Variants in RALA observed in about 807,000 individuals in gnomAD.
The protein encoded by RALA is RAS like proto-oncogene A.
A neutral mutation model predicts 24.0 loss-of-function variants in RALA; 5 were observed. The ratio of observed to expected loss-of-function variants is 0.21; its 90% CI spans 0.11 to 0.44. The LOEUF (loss-of-function observed/expected upper bound fraction) is 0.44. Among genes scored for constraint, RALA ranks in the 20% least tolerant of loss-of-function variants. RALA has a pLI of 0.99. For missense variants in RALA, 95 were observed against 241.2 expected (o/e 0.39, Z 4.01); for synonymous variants, 77 against 83.8 (o/e 0.92, Z 0.44).
At chr7:39,669,150 G>C (rs542650770) in intron 1 of RALA, among the ~76,000 whole-genome samples, 4 of 152,022 alleles carry the variant, frequency 2.6e-5, no homozygotes, top group Non-Finnish European at 5.9e-5. Flanking sequence ...CAAGTGGGAC[G>C]TAAGTAGTAA....
At chr7:39,662,569 T>C (rs1397263110) in intron 1 of RALA, among the ~76,000 whole-genome samples, 2 of 152,174 alleles carry the variant, frequency 1.3e-5, no homozygotes, top group Non-Finnish European at 2.9e-5. Flanking sequence ...CTCAGTCTCT[T>C]TGCTAAAACA....
chr7:39,628,220 T>TCAAAAAA (rs565444391), intron 1 of RALA, among the ~76,000 whole-genome samples: 19 of 152,164 alleles, frequency 1.2e-4, no homozygotes, highest in Admixed American at 4.6e-4. Flanking sequence ...ATCCCATCCC[T>TCAAAAAA]CAAAAAACAA....
intron 4 of RALA, chr7:39,703,224 A>G (rs1168823153): frequency 6.6e-6 from 1 of 152,242 alleles, no homozygotes; most frequent in African/African-American, 2.4e-5. Flanking sequence ...GAGTATTCCA[A>G]TAATTACATT....
At chr7:39,645,921 A>AG (rs1355181545) in intron 1 of RALA, among the ~76,000 whole-genome samples, 2 of 152,306 alleles carry the variant, frequency 1.3e-5, no homozygotes, top group African/African-American at 4.8e-5. Context: ...AGGAGGTTGT[A>AG]GGCAGATCAT....
chr7:39,682,169 C>A (rs1300084932), intron 1 of RALA, among the ~76,000 whole-genome samples: 1 of 152,194 alleles, frequency 6.6e-6, no homozygotes, highest in Admixed American at 6.5e-5. Flanking sequence ...TTGTAAATAT[C>A]TGAAATGTAG....
chr7:39,659,622 G>A lies in RALA; in HGVS notation c.-37-27009G>A, dbSNP rs79313177. On this transcript the variant is annotated intron_variant, in intron 1 of 4. Coordinates refer to ENST00000005257, the MANE Select transcript of RALA (RefSeq NM_005402.4). ...AATGGAGTTTCTTTGAACAGCATCT[G>A]TCTCCCTTCACTGCTGGTAATTTGT... Among the ~76,000 whole-genome samples, 405 of 152,266 alleles carry A rather than the reference G, an allele frequency of 2.7e-3. 5 individuals are homozygous for A. Among genetic ancestry groups the A allele is most frequent in the Middle Eastern group, 0.02 (6 of 294 alleles).
chr7:39,649,629 T>C (rs59463295), intron 1 of RALA, among the ~76,000 whole-genome samples: 2,264 of 152,286 alleles, frequency 0.015, 39 homozygotes, highest in African/African-American at 0.05. Context: ...CCGAACCTGC[T>C]TCAATTTGGA....
At chr7:39,627,618 A>G (rs1170013260) in intron 1 of RALA, among the ~76,000 whole-genome samples, 3 of 152,318 alleles carry the variant, frequency 2.0e-5, no homozygotes, top group African/African-American at 7.2e-5. Flanking sequence ...AGTTTCCAAA[A>G]GTTATGATTA....
At chr7:39,685,185 T>G (rs903193207) in intron 1 of RALA, among the ~76,000 whole-genome samples, 4 of 152,176 alleles carry the variant, frequency 2.6e-5, no homozygotes, top group Non-Finnish European at 5.9e-5. Flanking sequence ...AGAACCTAAT[T>G]TAGGTTGAGA....
chr7:39,654,092 G>T (rs1220382963), intron 1 of RALA, among the ~76,000 whole-genome samples: 3 of 152,104 alleles, frequency 2.0e-5, no homozygotes, highest in Non-Finnish European at 4.4e-5. Flanking sequence ...TGCACAGGGG[G>T]TTCTATTTGA....
At chr7:39,626,806 T>G (rs1791496076) in intron 1 of RALA, among the ~76,000 whole-genome samples, 1 of 152,210 alleles carries the variant, frequency 6.6e-6, no homozygotes, top group South Asian at 2.1e-4. Context: ...GTTCGTTCTT[T>G]CACTAATGGA....
At chr7:39,634,702 A>T (rs1003338061) in intron 1 of RALA, among the ~76,000 whole-genome samples, 1 of 152,102 alleles carries the variant, frequency 6.6e-6, no homozygotes, top group African/African-American at 2.4e-5. Flanking sequence ...GGTGCCTGCT[A>T]CTTCATTCTT....
At position 39,659,128 on chromosome 7, in the gene RALA, G is replaced by A. The variant is rs528091318; in HGVS notation, c.-37-27503G>A. On this transcript the variant is annotated intron_variant, in intron 1 of 4. Coordinates refer to ENST00000005257, the MANE Select transcript of RALA (RefSeq NM_005402.4). ...GAACCCCTCTAGAAAAAAACACAGC[G>A]AAAAAATTAGTCAGGTATGGTGGTG... Among the ~76,000 whole-genome samples, 6 of 151,898 alleles carry A rather than the reference G, an allele frequency of 4.0e-5. No individual in the cohort carries two copies. The South Asian group carries it at 1.0e-3, about 26-fold the overall frequency.
chr7:39,681,036 C>T (rs1490644754), intron 1 of RALA, among the ~76,000 whole-genome samples: 1 of 152,156 alleles, frequency 6.6e-6, no homozygotes, highest in African/African-American at 2.4e-5. Context: ...GATGTCCCTG[C>T]TCCTGTTATG....
chr7:39,699,188 C>T (rs955844462), intron 4 of RALA, among the ~76,000 whole-genome samples: 3 of 121,946 alleles, frequency 2.5e-5, no homozygotes, highest in South Asian at 2.8e-4. Context: ...GGCCGGACTG[C>T]GGACTGCAGT....
chr7:39,671,366 T>A (rs892063044), intron 1 of RALA, among the ~76,000 whole-genome samples: 1 of 152,230 alleles, frequency 6.6e-6, no homozygotes, highest in Non-Finnish European at 1.5e-5. Flanking sequence ...CTCATGTGTT[T>A]TAGAAATTTT....
At chr7:39,662,358 T>G (rs1792207116) in intron 1 of RALA, among the ~76,000 whole-genome samples, 1 of 152,114 alleles carries the variant, frequency 6.6e-6, no homozygotes. Flanking sequence ...CCTCAGAAAA[T>G]TGGCTTTTTT....
intron 3 of RALA, among the ~76,000 whole-genome samples, chr7:39,695,191 G>GGATT (rs1792896551): frequency 6.6e-6 from 1 of 152,016 alleles, no homozygotes; most frequent in Non-Finnish European, 1.5e-5. Context: ...GGCAGGGCAG[G>GGATT]GATTGGTTCC....
At chr7:39,674,959 G>A (rs1399865389) in intron 1 of RALA, among the ~76,000 whole-genome samples, 1 of 151,710 alleles carries the variant, frequency 6.6e-6, no homozygotes, top group African/African-American at 2.4e-5. Context: ...GCATAGCTGG[G>A]ATTACAGGCA....
Sources: allele counts gnomAD v4.1 joint callset (sites outside exome capture counted in the v4.1 genomes callset), GRCh38; gene constraint gnomAD v4.1.1; transcripts MANE v1.5; gene names NCBI Gene and HGNC (gene_info 2026-07-23, HGNC 2026-07-21).